WDR89: variants seen among roughly 807,000 people sequenced by gnomAD.
WDR89 encodes WD repeat-containing protein 89.
WDR89 carries 17 observed loss-of-function variants against 29.1 expected under a neutral mutation model. That is an observed-to-expected ratio of 0.58 (90% CI 0.40 to 0.88). WDR89 has a LOEUF of 0.88. Among genes scored for constraint, WDR89 ranks in the 40% least tolerant of loss-of-function variants. WDR89 has a pLI of 0.00. For synonymous variants in WDR89, 138 were observed against 157.8 expected (o/e 0.87, Z 0.94); for missense variants, 396 against 456.3 (o/e 0.87, Z 1.20).
chr14:63,601,704 G>A, intron 2 of WDR89: 1 of 1,595,918 alleles, frequency 6.3e-7, no homozygotes, highest in Non-Finnish European at 8.6e-7. Context: ...TCGTGTGAAA[G>A]TTGGAGATAA....
intron 1 of WDR89, among the ~76,000 whole-genome samples, chr14:63,633,610 T>C (rs1883543239): frequency 6.6e-6 from 1 of 152,196 alleles, no homozygotes; most frequent in South Asian, 2.1e-4. Context: ...AACACATCCC[T>C]AAATGTAAAT....
At chr14:63,606,057 G>A (rs1001670424) in intron 2 of WDR89, among the ~76,000 whole-genome samples, 2 of 151,370 alleles carry the variant, frequency 1.3e-5, no homozygotes, top group African/African-American at 2.4e-5. Context: ...GCAAAGTAGC[G>A]CCATCATGGC....
chr14:63,602,504 A>G (rs962675848), intron 2 of WDR89, among the ~76,000 whole-genome samples: 8 of 148,208 alleles, frequency 5.4e-5, no homozygotes, highest in South Asian at 2.1e-4. Flanking sequence ...TGGACATGGT[A>G]GCTCACGCCT....
intron 1 of WDR89, chr14:63,630,700 T>A (rs1171369512): frequency 6.6e-6 from 1 of 150,636 alleles, no homozygotes; most frequent in Non-Finnish European, 1.5e-5. Context: ...GCAGCACACA[T>A]ACTAAAATCA....
At chr14:63,622,444 G>A (rs577544552) in intron 2 of WDR89, among the ~76,000 whole-genome samples, 1 of 152,326 alleles carries the variant, frequency 6.6e-6, no homozygotes, top group Admixed American at 6.5e-5. Flanking sequence ...AACTGGGCGT[G>A]GTGGCACATG....
chr14:63,603,967 G>A (rs1035717448), intron 2 of WDR89, among the ~76,000 whole-genome samples: 27 of 152,276 alleles, frequency 1.8e-4, no homozygotes, highest in African/African-American at 6.3e-4. Flanking sequence ...ACAGCTGTTT[G>A]CCTGGAGTAT....
At position 63,628,978 on chromosome 14, in the gene WDR89, G is replaced by T. The variant is rs372863447; in HGVS notation, c.-137-3945C>A. Among the ~76,000 whole-genome samples, 14 of 152,144 alleles carry T rather than the reference G, an allele frequency of 9.2e-5. No homozygotes were observed. In the East Asian group the frequency reaches 2.3e-3, roughly 25 times the overall value. On this transcript the variant is annotated intron_variant, in intron 1 of 2. Transcript: ENST00000620954. ...AAACAAAAAACGATGTTTGCCTGTA[G>T]TAAGGACTTTACACAAACTCTTATT...
chr14:63,623,152 C>T (rs571125366), intron 2 of WDR89, among the ~76,000 whole-genome samples: 131 of 148,076 alleles, frequency 8.8e-4, no homozygotes, highest in African/African-American at 3.3e-3. Flanking sequence ...GAACCCAGAT[C>T]GCCCTATTGC....
At chr14:63,619,641 C>G (rs12147764) in intron 2 of WDR89, among the ~76,000 whole-genome samples, 2,909 of 152,012 alleles carry the variant, frequency 0.019, 42 homozygotes, top group Non-Finnish European at 0.028. Flanking sequence ...CAGAAGACAA[C>G]AAGTATTGGC....
chr14:63,598,719 G>T lies in WDR89; in HGVS notation c.*60C>A. The T allele has an allele frequency of 7.0e-7, 1 of 1,432,942 alleles. No homozygotes were observed. The highest frequency in any genetic ancestry group is 9.3e-7 in the Non-Finnish European group (1 of 1,078,190). 88.8% of individuals were successfully genotyped at this position (1,432,942 alleles called of 1,614,324 possible). On this transcript the variant is annotated 3_prime_UTR_variant, in exon 3 of 3. Transcript: ENST00000620954. ...GCTTTAAACATGTCTACCATGGGTAGTAAACAAGAAGGACTATTTGAAACT... is the reference window on the plus strand; with the variant it reads ...GCTTTAAACATGTCTACCATGGGTATTAAACAAGAAGGACTATTTGAAACT...
chr14:63,624,271 A>G (rs1029131079), intron 2 of WDR89, among the ~76,000 whole-genome samples: 3 of 152,206 alleles, frequency 2.0e-5, no homozygotes. Context: ...GTTCAAGATC[A>G]GCCTGGGTGA....
chr14:63,615,924 T>TAAAAAAAA (rs113469632), intron 2 of WDR89, among the ~76,000 whole-genome samples: 1 of 132,704 alleles, frequency 7.5e-6, no homozygotes, highest in African/African-American at 2.8e-5. Context: ...ACCCTGTCTT[T>TAAAAAAAA]AAAAAAAAAA....
At chr14:63,633,113 C>A (rs1481872060) in intron 1 of WDR89, among the ~76,000 whole-genome samples, 1 of 152,060 alleles carries the variant, frequency 6.6e-6, no homozygotes, top group Non-Finnish European at 1.5e-5. Context: ...AAGCAGCACT[C>A]ATATACCACT....
chr14:63,613,756 T>A (rs1207322399), intron 2 of WDR89, among the ~76,000 whole-genome samples: 2 of 151,292 alleles, frequency 1.3e-5, no homozygotes, highest in African/African-American at 4.9e-5. Context: ...CACCTTGGCC[T>A]CCCAAAGTGC....
rs756454182 is a variant in WDR89, at chr14:63,599,240, T to C, written c.703A>G (p.Met235Val). 6.2e-7 allele frequency: 1 copy of C among 1,607,746 alleles called. No homozygotes were observed. The highest frequency in any genetic ancestry group is 8.5e-7 in the Non-Finnish European group (1 of 1,175,940). Residue 235 changes from methionine to valine, a missense_variant, in exon 3 of 3, where the codon ATG (methionine) becomes GTG (valine). Transcript: ENST00000620954. ...SGKGYKQIYC[M>V]THDEGFYWWD... is the part of the protein sequence containing the mutation. ...CAATAAAATCCTTCATCATGTGTCATGCAGTAAATCTGTTTATAACCTTTC... is the reference window on the plus strand; with the variant it reads ...CAATAAAATCCTTCATCATGTGTCACGCAGTAAATCTGTTTATAACCTTTC...
At chr14:63,606,368 G>T (rs1895321835) in intron 2 of WDR89, among the ~76,000 whole-genome samples, 1 of 152,170 alleles carries the variant, frequency 6.6e-6, no homozygotes, top group South Asian at 2.1e-4. Flanking sequence ...TTGTACAGCT[G>T]TACAATGTGT....
At chr14:63,610,821 C>T (rs1335160415) in intron 2 of WDR89, among the ~76,000 whole-genome samples, 1 of 151,240 alleles carries the variant, frequency 6.6e-6, no homozygotes, top group African/African-American at 2.4e-5. Flanking sequence ...CTTGCCTTAG[C>T]CTCCTGAGTA....
chr14:63,621,580 A>G (rs1353286113), intron 2 of WDR89, among the ~76,000 whole-genome samples: 6 of 152,164 alleles, frequency 3.9e-5, no homozygotes, highest in Non-Finnish European at 7.3e-5. Context: ...CCTGAGTGGC[A>G]GAGCAAGACT....
Position 63,607,047 on chromosome 14 carries a change from T to C in WDR89, c.-31-7074A>G, listed in dbSNP as rs200978197. Reference sequence around the variant, plus strand: ...TAGAGGAGGAATTACATGTAAATTCTATGTATCAGAAGAGAAAGGAAGCAG... The same window carrying C: ...TAGAGGAGGAATTACATGTAAATTCCATGTATCAGAAGAGAAAGGAAGCAG... On this transcript the variant is annotated intron_variant, in intron 2 of 2. Coordinates refer to ENST00000620954, the MANE Select transcript of WDR89 (RefSeq NM_080666.4). 1.5e-4 allele frequency among the ~76,000 whole-genome samples: 23 copies of C among 152,376 alleles called. No homozygotes were observed. In the East Asian group the frequency reaches 4.0e-3, roughly 27 times the overall value.
Sources: allele counts gnomAD v4.1 joint callset (sites outside exome capture counted in the v4.1 genomes callset), GRCh38; gene constraint gnomAD v4.1.1; transcripts MANE v1.5; gene names NCBI Gene and HGNC (gene_info 2026-07-23, HGNC 2026-07-21).